The following LHFPL3 variants were observed in gnomAD, a reference collection of about 807,000 sequenced individuals.
LHFPL3 encodes the protein LHFPL tetraspan subfamily member 3, also known as LHFPL tetraspan subfamily member 3 protein.
In LHFPL3, 5 loss-of-function variants were observed where a neutral mutation model predicts 19.3. The observed-to-expected ratio is 0.26, with a 90% CI of 0.14 to 0.54. The LOEUF is 0.54. LHFPL3 is among the 20% of genes least tolerant of loss of function. LHFPL3 has a pLI of 0.94. For synonymous variants in LHFPL3, 133 were observed against 126.2 expected (o/e 1.05, Z -0.36); for missense variants, 249 against 307.4 (o/e 0.81, Z 1.42).
At chr7:104,358,319 T>C (rs1220609035) in intron 1 of LHFPL3, among the ~76,000 whole-genome samples, 1 of 152,232 alleles carries the variant, frequency 6.6e-6, no homozygotes, top group Non-Finnish European at 1.5e-5. Flanking sequence ...CCAAGTGTAT[T>C]ATTACTGTGT....
At chr7:104,675,956 G>C (rs1266061606) in intron 1 of LHFPL3, among the ~76,000 whole-genome samples, 2 of 152,192 alleles carry the variant, frequency 1.3e-5, no homozygotes. Context: ...GAAGCCCTCA[G>C]CATAGGGATG....
rs529150784 is a variant in LHFPL3, at chr7:104,671,377, C to T, written c.446-65298C>T. Among the ~76,000 whole-genome samples the T allele has an allele frequency of 2.5e-4, 38 of 151,866 alleles. 1 individual carries two copies. Among genetic ancestry groups the T allele is most frequent in the African/African-American group, 9.2e-4 (38 of 41,402 alleles). On this transcript the variant is annotated intron_variant, in intron 1 of 2. Coordinates refer to ENST00000424859, the MANE Select transcript of LHFPL3 (RefSeq NM_199000.3). Reference sequence around the variant, plus strand: ...GTTTTTCCCTGTCCCCTACCTTGTCCCCCCCATTAAAATAGAAACAGGGAT... The same window carrying T: ...GTTTTTCCCTGTCCCCTACCTTGTCTCCCCCATTAAAATAGAAACAGGGAT...
At chr7:104,564,134 A>C in intron 1 of LHFPL3, among the ~76,000 whole-genome samples, 1 of 152,198 alleles carries the variant, frequency 6.6e-6, no homozygotes, top group East Asian at 1.9e-4. Flanking sequence ...GTGACCCAGT[A>C]ACCCATCCTA....
At chr7:104,649,386 A>C (rs1182955388) in intron 1 of LHFPL3, among the ~76,000 whole-genome samples, 1 of 152,164 alleles carries the variant, frequency 6.6e-6, no homozygotes, top group East Asian at 1.9e-4. Context: ...GGTGGCATGA[A>C]CCTCTTACCA....
intron 1 of LHFPL3, among the ~76,000 whole-genome samples, chr7:104,424,983 T>TAAAAAAA (rs71153196): frequency 5.1e-4 from 33 of 65,152 alleles, no homozygotes; most frequent in African/African-American, 1.4e-3. Context: ...CTCCATCTCA[T>TAAAAAAA]AAAAAAAAAA....
chr7:104,734,330 A>G (rs1793763457), intron 1 of LHFPL3, among the ~76,000 whole-genome samples: 1 of 152,050 alleles, frequency 6.6e-6, no homozygotes, highest in South Asian at 2.1e-4. Context: ...ACTTGGTTCC[A>G]TTCTCCCCGT....
chr7:104,344,701 C>T (rs1176796416), intron 1 of LHFPL3, among the ~76,000 whole-genome samples: 3 of 152,178 alleles, frequency 2.0e-5, no homozygotes, highest in Non-Finnish European at 4.4e-5. Flanking sequence ...CATAGCTTTG[C>T]AGCTGTGAAT....
chr7:104,459,919 G>A (rs779621565), intron 1 of LHFPL3, among the ~76,000 whole-genome samples: 1 of 152,160 alleles, frequency 6.6e-6, no homozygotes, highest in Non-Finnish European at 1.5e-5. Flanking sequence ...GTAAATTTGT[G>A]TCACAGGGGT....
chr7:104,429,917 T>C (rs1791923181), intron 1 of LHFPL3, among the ~76,000 whole-genome samples: 1 of 152,256 alleles, frequency 6.6e-6, no homozygotes, highest in Middle Eastern at 3.4e-3. Flanking sequence ...GCAATGTGCC[T>C]GCCTGCTGAT....
intron 2 of LHFPL3, among the ~76,000 whole-genome samples, chr7:104,816,828 C>A (rs1562802135): frequency 1.3e-5 from 2 of 152,174 alleles, no homozygotes; most frequent in Non-Finnish European, 2.9e-5. Flanking sequence ...GGCCTCCTAG[C>A]CTCGGGCTGC....
chr7:104,716,176 GTC>G (rs1793382971), intron 1 of LHFPL3, among the ~76,000 whole-genome samples: 1 of 152,042 alleles, frequency 6.6e-6, no homozygotes, highest in Non-Finnish European at 1.5e-5. Context: ...GTGAAACCCT[GTC>G]TCTACTAAAA....
At chr7:104,427,356 A>G (rs1423790311) in intron 1 of LHFPL3, among the ~76,000 whole-genome samples, 1 of 152,246 alleles carries the variant, frequency 6.6e-6, no homozygotes, top group Non-Finnish European at 1.5e-5. Context: ...TAAACTATCT[A>G]CGCTAGAGTC....
intron 1 of LHFPL3, among the ~76,000 whole-genome samples, chr7:104,498,119 T>G (rs1001151895): frequency 1.3e-5 from 2 of 152,184 alleles, no homozygotes; most frequent in African/African-American, 4.8e-5. Context: ...AACTCTTACA[T>G]AAGTACAAAA....
intron 1 of LHFPL3, among the ~76,000 whole-genome samples, chr7:104,599,472 C>G (rs1304780875): frequency 6.6e-6 from 1 of 152,216 alleles, no homozygotes; most frequent in Non-Finnish European, 1.5e-5. Flanking sequence ...TCAACACATT[C>G]TCCATCCTCT....
At chr7:104,510,772 T>C (rs1793796217) in intron 1 of LHFPL3, among the ~76,000 whole-genome samples, 1 of 152,116 alleles carries the variant, frequency 6.6e-6, no homozygotes, top group Admixed American at 6.6e-5. Context: ...GGAGAATGTA[T>C]TTGCAAACTA....
intron 1 of LHFPL3, among the ~76,000 whole-genome samples, chr7:104,671,870 G>A (rs1250329312): frequency 6.6e-6 from 1 of 152,062 alleles, no homozygotes; most frequent in East Asian, 1.9e-4. Context: ...TTGGAAAATT[G>A]GAGTTTGAAT....
At position 104,460,074 on chromosome 7, in the gene LHFPL3, C is replaced by T. The variant is rs553176989; in HGVS notation, c.445+130850C>T. Among the ~76,000 whole-genome samples, 6 of 152,220 alleles carry T rather than the reference C, an allele frequency of 3.9e-5. No individual in the cohort carries two copies. In the South Asian group the frequency reaches 1.2e-3, roughly 32 times the overall value. ...CCTCTTTGTGCCCATTGGGTCTCATCATTTAACTCCCACTTATAAGTGTGG... is the reference window on the plus strand; with the variant it reads ...CCTCTTTGTGCCCATTGGGTCTCATTATTTAACTCCCACTTATAAGTGTGG... On this transcript the variant is annotated intron_variant, in intron 1 of 2. Coordinates refer to ENST00000424859, the MANE Select transcript of LHFPL3 (RefSeq NM_199000.3).
intron 1 of LHFPL3, among the ~76,000 whole-genome samples, chr7:104,481,790 C>G (rs1377609367): frequency 6.6e-6 from 1 of 152,170 alleles, no homozygotes; most frequent in African/African-American, 2.4e-5. Flanking sequence ...AGCCCTGCCT[C>G]TAGCATAATC....
intron 2 of LHFPL3, among the ~76,000 whole-genome samples, chr7:104,773,168 G>GTCTT (rs905651988): frequency 5.3e-5 from 8 of 152,364 alleles, no homozygotes; most frequent in African/African-American, 1.9e-4. Flanking sequence ...CCTGGTGGGG[G>GTCTT]TCTTCTTACC....
Sources: gnomAD v4.1 joint callset for allele counts (sites outside exome capture counted in the v4.1 genomes callset) on GRCh38, gnomAD v4.1.1 for gene constraint, MANE v1.5 for transcripts, NCBI Gene and HGNC (gene_info 2026-07-23, HGNC 2026-07-21) for gene names.